The following RBFOX1 variants were observed in gnomAD, a reference collection of about 807,000 sequenced individuals.
RBFOX1 encodes the protein RNA binding fox-1 homolog 1.
Under a neutral mutation model 57.7 loss-of-function variants are expected in RBFOX1, and 8 were observed. The observed-to-expected ratio is 0.14, with a 90% confidence interval of 0.08 to 0.25. The LOEUF (loss-of-function observed/expected upper bound fraction) is 0.25. RBFOX1 is among the 10% of genes least tolerant of loss of function. The pLI is 1.00. For missense variants in RBFOX1, 611 were observed against 548.5 expected (o/e 1.11, Z -1.14); for synonymous variants, 326 against 222.4 (o/e 1.47, Z -4.15).
chr16:6,791,220 C>A (rs1379975678), intron 3 of RBFOX1, among the ~76,000 whole-genome samples: 27 of 152,090 alleles, frequency 1.8e-4, no homozygotes, highest in Non-Finnish European at 1.5e-5. Context: ...TCTTGTCTAT[C>A]TTTATAGAGT....
chr16:5,604,606 C>G (rs1013557677), downstream of RBFOX1, among the ~76,000 whole-genome samples: 3 of 152,160 alleles, frequency 2.0e-5, no homozygotes, highest in African/African-American at 7.2e-5. Context: ...TGCCCATCAT[C>G]TTTTCTATTG....
chr16:7,665,069 C>G (rs1306599514), intron 13 of RBFOX1, 101 bp downstream of exon 13: 4 of 1,606,520 alleles, frequency 2.5e-6, no homozygotes, highest in African/African-American at 2.7e-5. Flanking sequence ...TTGAGTTTCT[C>G]TCCTTGGTCT....
chr16:7,582,975 G>A (rs538379323), intron 6 of RBFOX1, among the ~76,000 whole-genome samples: 12 of 152,204 alleles, frequency 7.9e-5, no homozygotes, highest in African/African-American at 2.2e-4. Context: ...ATCTGCAACC[G>A]TTACATGCCT....
intron 4 of RBFOX1, among the ~76,000 whole-genome samples, chr16:7,065,210 G>A (rs1035567973): frequency 6.6e-6 from 1 of 152,160 alleles, no homozygotes; most frequent in African/African-American, 2.4e-5. Context: ...ATGGTTTAGT[G>A]CCCCTAGCTT....
intron 4 of RBFOX1, among the ~76,000 whole-genome samples, chr16:5,930,754 A>G (rs2059036077): frequency 2.9e-5 from 2 of 67,964 alleles, no homozygotes; most frequent in Non-Finnish European, 5.4e-5. Context: ...GGGTGGATGG[A>G]TGCATGGATG....
At chr16:6,140,575 C>G (rs1318758537) in intron 1 of RBFOX1, among the ~76,000 whole-genome samples, 1 of 152,110 alleles carries the variant, frequency 6.6e-6, no homozygotes, top group Admixed American at 6.5e-5. Context: ...TCTGTTCATT[C>G]ACCTGGGCAA....
At chr16:6,637,044 G>A (rs1443299327) in intron 2 of RBFOX1, among the ~76,000 whole-genome samples, 5 of 99,362 alleles carry the variant, frequency 5.0e-5, no homozygotes, top group Non-Finnish European at 9.1e-5. Context: ...GATAAATTAT[G>A]TATAAACATA....
chr16:7,705,897 G>A (rs981425856), intron 14 of RBFOX1, among the ~76,000 whole-genome samples: 1 of 152,192 alleles, frequency 6.6e-6, no homozygotes, highest in Non-Finnish European at 1.5e-5. Flanking sequence ...TGGGCACATG[G>A]AGATCATCAT....
intron 14 of RBFOX1, among the ~76,000 whole-genome samples, chr16:7,692,807 C>G (rs1028968397): frequency 6.6e-6 from 1 of 151,980 alleles, no homozygotes; most frequent in East Asian, 1.9e-4. Context: ...CTCTATGTAG[C>G]AAGCTGGGTT....
chr16:6,302,883 G>A (rs1417456437), intron 1 of RBFOX1, among the ~76,000 whole-genome samples: 1 of 152,118 alleles, frequency 6.6e-6, no homozygotes, highest in Admixed American at 6.6e-5. Flanking sequence ...GGGTTTTTAG[G>A]TATAAAGAAT....
intron 3 of RBFOX1, among the ~76,000 whole-genome samples, chr16:6,950,825 C>T (rs4786131): frequency 0.14 from 22,000 of 152,076 alleles, 1,947 homozygotes; most frequent in Non-Finnish European, 0.19. Flanking sequence ...ACTACATTTC[C>T]TTCCTCAGCT....
At chr16:7,058,168 C>G (rs1228484121) in intron 4 of RBFOX1, among the ~76,000 whole-genome samples, 1 of 152,096 alleles carries the variant, frequency 6.6e-6, no homozygotes, top group Non-Finnish European at 1.5e-5. Flanking sequence ...ACGTCTTACT[C>G]ACAGCTTTCA....
chr16:5,607,367 T>C (rs1165411106), intron 3 of RBFOX1, among the ~76,000 whole-genome samples: 2 of 152,162 alleles, frequency 1.3e-5, no homozygotes, highest in African/African-American at 4.8e-5. Context: ...TGGGACGAAA[T>C]GCTAAGTGGC....
At chr16:5,272,215 T>G (rs924886585) in intron 1 of RBFOX1, among the ~76,000 whole-genome samples, 3 of 152,244 alleles carry the variant, frequency 2.0e-5, no homozygotes, top group Non-Finnish European at 4.4e-5. Context: ...AGAGGGTACA[T>G]TTCAAATGTC....
intron 3 of RBFOX1, among the ~76,000 whole-genome samples, chr16:5,684,108 T>A (rs765487510): frequency 1.4e-4 from 22 of 152,142 alleles, no homozygotes; most frequent in Non-Finnish European, 2.8e-4. Context: ...AACCCATTTC[T>A]TTTTTGTGTG....
At chr16:7,102,080 T>C (rs1254167575) in intron 4 of RBFOX1, among the ~76,000 whole-genome samples, 1 of 152,144 alleles carries the variant, frequency 6.6e-6, no homozygotes, top group Non-Finnish European at 1.5e-5. Flanking sequence ...GGGTGCTTTT[T>C]CTAACTCACA....
At position 6,991,161 on chromosome 16, in the gene RBFOX1, A is replaced by AAAAAAAAAAAAAAAAAC. The variant is rs1271872183; in HGVS notation, c.-15-60895_-15-60894insAAAAAAAAAAAAAAACA. On this transcript the variant is annotated intron_variant, in intron 3 of 15. Coordinates refer to ENST00000550418, the MANE Select transcript of RBFOX1 (RefSeq NM_018723.4). Reference sequence around the variant, plus strand: ...CAAAAAAAAAAAAAAAAAAAAAAAAAAGACACGGTGGCGTGTACCTTTAGT... The same window carrying AAAAAAAAAAAAAAAAAC: ...CAAAAAAAAAAAAAAAAAAAAAAAAAAAAAAAAAAAAAAAAACAGACACGGTGGCGTGTACCTTTAGT... Among the ~76,000 whole-genome samples the AAAAAAAAAAAAAAAAAC allele has an allele frequency of 2.9e-5, 4 of 140,006 alleles. 1 individual carries two copies. The highest frequency in any genetic ancestry group is 5.3e-5 in the African/African-American group (2 of 37,642). 91.8% of individuals were successfully genotyped at this position (140,006 alleles called of 152,430 possible). A position where few individuals can be genotyped will look rare whatever the true frequency, so the allele number is the denominator to read the frequency against.
chr16:5,903,738 C>A (rs1327774034), intron 4 of RBFOX1, among the ~76,000 whole-genome samples: 1 of 152,164 alleles, frequency 6.6e-6, no homozygotes, highest in African/African-American at 2.4e-5. Context: ...CCTCCTCCCA[C>A]CCCACAAACA....
intron 4 of RBFOX1, among the ~76,000 whole-genome samples, chr16:5,885,319 TAA>T (rs58317550): frequency 3.3e-4 from 41 of 124,932 alleles, no homozygotes; most frequent in Non-Finnish European, 3.4e-4. Context: ...CCTGGAGGCT[TAA>T]AAAAAAAAAA....
Sources: allele counts gnomAD v4.1 joint callset (sites outside exome capture counted in the v4.1 genomes callset), GRCh38; gene constraint gnomAD v4.1.1; transcripts MANE v1.5; gene names NCBI Gene and HGNC (gene_info 2026-07-23, HGNC 2026-07-21).